Variants in BTBD7 observed in about 807,000 individuals in gnomAD.
BTBD7 encodes BTB domain containing 7.
BTBD7 carries 38 observed loss-of-function variants against 99.9 expected under a neutral mutation model. The observed-to-expected ratio is 0.38, with a 90% CI of 0.29 to 0.50. The LOEUF (loss-of-function observed/expected upper bound fraction) is 0.50, where lower values mean the gene tolerates loss of function less well. Ranked by LOEUF, BTBD7 falls within the 20% of genes least tolerant of loss-of-function variation. The probability of loss-of-function intolerance (pLI) is 0.93; values close to 1 mark genes in which losing one functional copy is unlikely to be tolerated. For missense variants in BTBD7, 1,170 were observed against 1,394.6 expected (o/e 0.84, Z 2.57); for synonymous variants, 520 against 511.4 (o/e 1.02, Z -0.23).
chr14:93,316,331 A>G (rs946508505), intron 1 of BTBD7, among the ~76,000 whole-genome samples: 16 of 152,012 alleles, frequency 1.1e-4, no homozygotes, highest in South Asian at 2.1e-4. Context: ...TGGCACAATC[A>G]TAGCTCACTG....
chr14:93,276,002 C>A (rs1186351262), intron 3 of BTBD7, among the ~76,000 whole-genome samples: 2 of 151,972 alleles, frequency 1.3e-5, no homozygotes, highest in Admixed American at 1.3e-4. Context: ...ATCTTTTGAG[C>A]CCAGGAGTCC....
At position 93,237,704 on chromosome 14, in the gene BTBD7, A is replaced by C. The variant is rs1406678476; in HGVS notation, c.*4569T>G. 6.5e-6 allele frequency: 1 copy of C among 152,678 alleles called. No individual in the cohort carries two copies. Among genetic ancestry groups the C allele is most frequent in the Non-Finnish European group, 1.5e-5 (1 of 68,046 alleles). 9.5% of individuals were successfully genotyped at this position (152,678 alleles called of 1,614,324 possible). On this transcript the variant is annotated 3_prime_UTR_variant, in exon 11 of 11. Transcript: ENST00000334746. ...GAAATGTATCGTTTTACAATGCTTC[A>C]CACAGACGAATTCAAGTTTGGAGGT...
At chr14:93,279,726 TTAGTAGAGA>T (rs1482124989) in intron 3 of BTBD7, among the ~76,000 whole-genome samples, 3 of 152,176 alleles carry the variant, frequency 2.0e-5, no homozygotes, top group Non-Finnish European at 4.4e-5. Flanking sequence ...TTTTGTATTT[TTAGTAGAGA>T]CAAGGTTTCA....
intron 3 of BTBD7, among the ~76,000 whole-genome samples, chr14:93,276,887 GATTA>G (rs1461235683): frequency 1.2e-4 from 16 of 136,824 alleles, no homozygotes; most frequent in African/African-American, 3.3e-4. Flanking sequence ...CACACACACA[GATTA>G]ATTTTTTTTT....
chr14:93,239,960 A>G lies in BTBD7; in HGVS notation c.*2313T>C, dbSNP rs1231215441. On this transcript the variant is annotated 3_prime_UTR_variant, in exon 11 of 11. Transcript: ENST00000334746. ...CTTACTTGCAGTACCGGCGCAGTAC[A>G]TGAACATGTCAACATACATATGTGG... 6.6e-6 allele frequency: 1 copy of G among 152,198 alleles called. No homozygotes were observed. Among genetic ancestry groups the G allele is most frequent in the Non-Finnish European group, 1.5e-5 (1 of 68,042 alleles). 9.4% of individuals were successfully genotyped at this position (152,198 alleles called of 1,614,324 possible). A position where few individuals can be genotyped will look rare whatever the true frequency, so the allele number is the denominator to read the frequency against.
chr14:93,261,689 A>T lies in BTBD7; in HGVS notation c.1372-12T>A. 10 of 1,582,080 alleles carry T rather than the reference A, an allele frequency of 6.3e-6. No homozygotes were observed. The highest frequency in any genetic ancestry group is 8.7e-6 in the Non-Finnish European group (10 of 1,155,980). ...TCTTGTTCACTTGCCTATAATAAAAAATGGTTTATATTTATTTTAGTGAAA... is the reference window on the plus strand; with the variant it reads ...TCTTGTTCACTTGCCTATAATAAAATATGGTTTATATTTATTTTAGTGAAA... On this transcript the variant is annotated splice_polypyrimidine_tract_variant and intron_variant, in intron 4 of 10. Transcript: ENST00000334746.
chr14:93,258,222 T>TGAGAGA (rs972073308), intron 5 of BTBD7, among the ~76,000 whole-genome samples: 1 of 149,222 alleles, frequency 6.7e-6, no homozygotes, highest in Non-Finnish European at 1.5e-5. Flanking sequence ...TGTGTGTGTA[T>TGAGAGA]GAGAGAGAGA....
At position 93,242,569 on chromosome 14, in the gene BTBD7, G is replaced by A; in HGVS notation, c.3103C>T (p.Gln1035Ter). 1 of 1,614,232 alleles carries A rather than the reference G, an allele frequency of 6.2e-7. No individual in the cohort carries two copies. Among genetic ancestry groups the A allele is most frequent in the Non-Finnish European group, 8.5e-7 (1 of 1,180,048 alleles). ...IHLDVVEQPP[Q>*]RSDFPLAAPE... is the part of the protein sequence containing the mutation. ...GCTGCCAAAGGAAAGTCTGACCGCT[G>A]GGGAGGTTGCTCAACGACATCCAGG... The change falls in exon 11 of 11, where the codon CAG (glutamine) becomes TAG (stop). Residue 1035 changes from glutamine (Q) to a stop codon, truncating the protein, a stop_gained. Coordinates refer to ENST00000334746, the MANE Select transcript of BTBD7 (RefSeq NM_001002860.4). LOFTEE classifies it high-confidence loss of function.
Position 93,242,630 on chromosome 14 carries a change from G to A in BTBD7, c.3042C>T (p.Asp1014=), listed in dbSNP as rs751931563. Residue 1014 remains aspartate (D), a synonymous_variant, in exon 11 of 11, where the codon GAC becomes GAT. Transcript: ENST00000334746. The stretch of plus-strand genomic sequence containing the variant: ...CATTCTTTTGTCTGTGTAGATGCCC[G>A]TCAGGGGAAAGTGGATATTCTCTCC... ...EARREYPLSP[D]GHLHRQKNEP... 1.1e-5 allele frequency: 18 copies of A among 1,614,056 alleles called. No homozygotes were observed. The highest frequency in any genetic ancestry group is 1.6e-4 in the Middle Eastern group (1 of 6,084).
chr14:93,276,682 G>C (rs2052659536), intron 3 of BTBD7, among the ~76,000 whole-genome samples: 1 of 152,034 alleles, frequency 6.6e-6, no homozygotes, highest in South Asian at 2.1e-4. Context: ...TGAGATTGAT[G>C]CTGCATGTGT....
chr14:93,326,703 G>A (rs1014088523), intron 1 of BTBD7, among the ~76,000 whole-genome samples: 2 of 152,018 alleles, frequency 1.3e-5, no homozygotes, highest in African/African-American at 2.4e-5. Context: ...TTGGGAGGCT[G>A]AGGCAGGAGA....
intron 1 of BTBD7, among the ~76,000 whole-genome samples, chr14:93,305,148 T>C (rs1227623687): frequency 6.6e-6 from 1 of 152,228 alleles, no homozygotes; most frequent in African/African-American, 2.4e-5. Flanking sequence ...TTACGGAGAC[T>C]GAGTCTAAAT....
At chr14:93,299,852 CA>C (rs1246224024) in intron 1 of BTBD7, among the ~76,000 whole-genome samples, 4 of 152,138 alleles carry the variant, frequency 2.6e-5, no homozygotes, top group Non-Finnish European at 5.9e-5. Context: ...TAAACAAAGC[CA>C]AATAGGTTTC....
intron 1 of BTBD7, among the ~76,000 whole-genome samples, chr14:93,307,434 G>A (rs2053083995): frequency 6.6e-6 from 1 of 152,174 alleles, no homozygotes; most frequent in Non-Finnish European, 1.5e-5. Flanking sequence ...CAGATTACAG[G>A]CACGAGCCAG....
chr14:93,280,908 T>C (rs953998906), intron 3 of BTBD7, among the ~76,000 whole-genome samples: 1 of 151,600 alleles, frequency 6.6e-6, no homozygotes, highest in South Asian at 2.1e-4. Flanking sequence ...CACAACTCAC[T>C]GTAGCCTTGA....
rs868552884 is a variant in BTBD7, at chr14:93,242,956, G to A, written c.2716C>T (p.Pro906Ser). Reference sequence around the variant, plus strand: ...CACGACAGATGCTGGGGAGGCCCTGGTCCTGCTTCAGAAACTGACTGGCTT... The same window carrying A: ...CACGACAGATGCTGGGGAGGCCCTGATCCTGCTTCAGAAACTGACTGGCTT... ...ELSQSVSEAG[P>S]GPPQHLSCIP... Residue 906 changes from proline to serine, a missense_variant, in exon 11 of 11, where the codon CCA becomes TCA. This residue lies in a region of BTBD7 where 495 missense variants were observed against 525.9 expected (regional missense o/e 0.94). Coordinates refer to ENST00000334746, the MANE Select transcript of BTBD7 (RefSeq NM_001002860.4). 6.2e-7 allele frequency: 1 copy of A among 1,614,102 alleles called. No individual in the cohort carries two copies. Among genetic ancestry groups the A allele is most frequent in the Non-Finnish European group, 8.5e-7 (1 of 1,180,008 alleles).
chr14:93,325,076 G>GT (rs1181888593), intron 1 of BTBD7, among the ~76,000 whole-genome samples: 2 of 148,696 alleles, frequency 1.3e-5, no homozygotes, highest in African/African-American at 2.5e-5. Context: ...GTTAACAAAG[G>GT]TATTTTAAGT....
chr14:93,311,833 G>C (rs532743272), intron 1 of BTBD7, among the ~76,000 whole-genome samples: 1 of 150,194 alleles, frequency 6.7e-6, no homozygotes, highest in East Asian at 1.9e-4. Flanking sequence ...AAGTCACTTG[G>C]AATGGTTTAC....
At chr14:93,325,359 C>T (rs2053318743) in intron 1 of BTBD7, among the ~76,000 whole-genome samples, 1 of 152,004 alleles carries the variant, frequency 6.6e-6, no homozygotes, top group Admixed American at 6.6e-5. Context: ...ATCTGCCGAC[C>T]TCAGGTGATC....
Sources: allele counts gnomAD v4.1 joint callset (sites outside exome capture counted in the v4.1 genomes callset), GRCh38; gene constraint gnomAD v4.1.1; regional missense constraint gnomAD v4.1.1; transcripts MANE v1.5; gene names NCBI Gene and HGNC (gene_info 2026-07-23, HGNC 2026-07-21).